The following ODAD2 variants were observed in gnomAD, a reference collection of about 807,000 sequenced individuals.
The protein encoded by ODAD2 is outer dynein arm docking complex subunit 2.
In ODAD2, 89 loss-of-function variants were observed where a neutral mutation model predicts 106.8. That is an observed-to-expected ratio of 0.83 (90% CI 0.70 to 0.99). The LOEUF is 0.99. Among genes scored for constraint, ODAD2 ranks in the 50% least tolerant of loss-of-function variants. The pLI is 0.00. For synonymous variants in ODAD2, 404 were observed against 436.2 expected, an observed-to-expected ratio of 0.93 and a Z score of 0.92; for missense variants, 1,168 against 1,238.5, an observed-to-expected ratio of 0.94 and a Z score of 0.85.
At chr10:27,861,612 C>T (rs1012727145) in intron 18 of ODAD2, among the ~76,000 whole-genome samples, 1 of 152,222 alleles carries the variant, frequency 6.6e-6, no homozygotes, top group Non-Finnish European at 1.5e-5. Flanking sequence ...GTTGCCTTGG[C>T]TCCTGAGAGG....
At chr10:27,858,502 G>T (rs1023042686) in intron 19 of ODAD2, among the ~76,000 whole-genome samples, 2 of 152,072 alleles carry the variant, frequency 1.3e-5, no homozygotes, top group African/African-American at 4.8e-5. Flanking sequence ...GAAACCCAAG[G>T]ATAATCTGGG....
In ODAD2 at chr10:27,940,627, A is replaced by G. The variant is rs748101941; in HGVS notation, c.1922T>C (p.Leu641Pro). 5.1e-5 allele frequency: 82 copies of G among 1,614,044 alleles called. No individual in the cohort carries two copies. Among genetic ancestry groups the G allele is most frequent in the Non-Finnish European group, 6.0e-5 (71 of 1,180,008 alleles). ...AGGIPLLARL[L>P]KTSHENMLIP... ...TAGCATGTTTTCATGAGAAGTCTTC[A>G]GCAGCCGAGCCAACAGAGGAATGCC... Residue 641 changes from leucine to proline, a missense_variant, in exon 13 of 20, where the codon CTG (leucine) becomes CCG (proline). Physicochemically the swap from Leu to Pro is moderately conservative, Grantham distance 98. This residue lies in a region of ODAD2 where 701 missense variants were observed against 712.3 expected (regional missense o/e 0.98). Transcript: ENST00000305242.
chr10:27,958,944 T>C lies in ODAD2; in HGVS notation c.1386+2624A>G, dbSNP rs2132811665. On this transcript the variant is annotated intron_variant, in intron 10 of 19. Coordinates refer to ENST00000305242, the MANE Select transcript of ODAD2 (RefSeq NM_018076.5). ...ATTCTGCTTCCTGATCCATCTTTTG[T>C]TTCTGCCATTTTGACTTGTTTCCTT... The C allele has an allele frequency of 3.1e-6, 4 of 1,303,894 alleles. No individual in the cohort carries two copies. The South Asian group carries it at 4.9e-5, about 16-fold the overall frequency. 80.8% of individuals were successfully genotyped at this position (1,303,894 alleles called of 1,614,324 possible). A position where few individuals can be genotyped will look rare whatever the true frequency, so the allele number is the denominator to read the frequency against.
chr10:27,868,708 A>G (rs1398822388), intron 17 of ODAD2, among the ~76,000 whole-genome samples: 1 of 152,202 alleles, frequency 6.6e-6, no homozygotes, highest in Non-Finnish European at 1.5e-5. Context: ...GAGCATCAGG[A>G]TAAATAACTA....
At chr10:27,817,998 C>T (rs79650293) in intron 19 of ODAD2, among the ~76,000 whole-genome samples, 93 of 151,948 alleles carry the variant, frequency 6.1e-4, no homozygotes, top group African/African-American at 2.0e-3. Context: ...CTGACCTCCT[C>T]GTAGCCCACA....
At chr10:27,945,793 A>G (rs1028190702) in intron 10 of ODAD2, among the ~76,000 whole-genome samples, 5 of 152,124 alleles carry the variant, frequency 3.3e-5, no homozygotes, top group Non-Finnish European at 7.3e-5. Context: ...GCATATTACC[A>G]CTACTGCTAT....
intron 17 of ODAD2, among the ~76,000 whole-genome samples, chr10:27,906,438 T>A (rs1038732202): frequency 6.6e-6 from 1 of 152,238 alleles, no homozygotes; most frequent in Non-Finnish European, 1.5e-5. Context: ...TCTACCATTG[T>A]GGAAGACAGT....
Position 27,948,101 on chromosome 10 carries a change from T to G in ODAD2, c.1387-3139A>C, listed in dbSNP as rs150796485. Among the ~76,000 whole-genome samples the G allele has an allele frequency of 8.0e-4, 122 of 152,264 alleles. 2 individuals are homozygous for G. Among genetic ancestry groups the G allele is most frequent in the African/African-American group, 2.7e-3 (113 of 41,556 alleles). On this transcript the variant is annotated intron_variant, in intron 10 of 19. Transcript: ENST00000305242. Reference sequence around the variant, plus strand: ...GTCCCAAAGGTAAGAGTTTATAGCTTTTTGAAGTATCTCTAGGTTAATTTG... The same window carrying G: ...GTCCCAAAGGTAAGAGTTTATAGCTGTTTGAAGTATCTCTAGGTTAATTTG...
At chr10:27,864,335 A>G (rs995177055) in intron 17 of ODAD2, among the ~76,000 whole-genome samples, 5 of 148,304 alleles carry the variant, frequency 3.4e-5, no homozygotes, top group Non-Finnish European at 7.4e-5. Flanking sequence ...AGAAGACCTA[A>G]TTTGAATGAA....
chr10:27,981,564 C>A lies in ODAD2; in HGVS notation c.838G>T (p.Gly280Trp). The change falls in exon 7 of 20, where the codon GGG becomes TGG. Residue 280 changes from glycine (G) to tryptophan (W), a missense_variant. Gly to Trp is a radical substitution (Grantham distance 184). This residue lies in a region of ODAD2 where 430 missense variants were observed against 452.2 expected (regional missense o/e 0.95). Transcript: ENST00000305242. ...CCTTTTCTCTCATAATTAACGTCCC[C>A]TTCATCATCTGTTTTGCCCTTTGGG... ...FLNGGKTDDE[G>W]DVNYERKGSI... The A allele has an allele frequency of 6.5e-7, 1 of 1,544,146 alleles. No homozygotes were observed.
chr10:27,832,421 T>A (rs1287985224), intron 19 of ODAD2, among the ~76,000 whole-genome samples: 1 of 152,180 alleles, frequency 6.6e-6, no homozygotes, highest in Non-Finnish European at 1.5e-5. Context: ...TCCAGGAATA[T>A]GTCACATGCT....
chr10:27,928,352 C>T (rs1028721164), intron 16 of ODAD2, among the ~76,000 whole-genome samples: 7 of 152,080 alleles, frequency 4.6e-5, no homozygotes, highest in Non-Finnish European at 8.8e-5. Flanking sequence ...TTTAACCTAT[C>T]GATTTCTCTA....
chr10:27,847,160 T>C (rs572002813), intron 19 of ODAD2, among the ~76,000 whole-genome samples: 53 of 152,242 alleles, frequency 3.5e-4, no homozygotes, highest in African/African-American at 1.3e-3. Context: ...TGAACATTGA[T>C]GCAAAAATCC....
intron 17 of ODAD2, among the ~76,000 whole-genome samples, chr10:27,879,789 A>G (rs2133549417): frequency 6.6e-6 from 1 of 152,348 alleles, no homozygotes; most frequent in South Asian, 2.1e-4. Flanking sequence ...TGTAAAATAT[A>G]ACATTATATT....
chr10:27,936,228 T>A (rs966705793), intron 15 of ODAD2, among the ~76,000 whole-genome samples: 3 of 152,160 alleles, frequency 2.0e-5, no homozygotes, highest in Non-Finnish European at 4.4e-5. Flanking sequence ...TTAAAATAAA[T>A]CAAATGGTCA....
intron 17 of ODAD2, among the ~76,000 whole-genome samples, chr10:27,866,435 C>T (rs1840443698): frequency 6.6e-6 from 1 of 152,152 alleles, no homozygotes; most frequent in African/African-American, 2.4e-5. Context: ...AACAGGGGCT[C>T]TTAGAATTTC....
At chr10:27,974,689 G>GTTT (rs397699788) in intron 7 of ODAD2, among the ~76,000 whole-genome samples, 4 of 128,380 alleles carry the variant, frequency 3.1e-5, no homozygotes, top group South Asian at 2.5e-4. Context: ...GTCTGTTTTT[G>GTTT]TTTTTTTTTT....
chr10:27,865,922 T>C (rs1335980216), intron 17 of ODAD2, among the ~76,000 whole-genome samples: 1 of 152,228 alleles, frequency 6.6e-6, no homozygotes, highest in African/African-American at 2.4e-5. Context: ...TGGTTCTCAA[T>C]AGTAAATCTA....
intron 17 of ODAD2, among the ~76,000 whole-genome samples, chr10:27,874,643 G>A (rs1841180075): frequency 6.6e-6 from 1 of 152,066 alleles, no homozygotes; most frequent in Non-Finnish European, 1.5e-5. Context: ...TGAAATTCTG[G>A]GTTGAAAATT....
Sources: allele counts gnomAD v4.1 joint callset (sites outside exome capture counted in the v4.1 genomes callset), GRCh38; gene constraint gnomAD v4.1.1; regional missense constraint gnomAD v4.1.1; transcripts MANE v1.5; gene names NCBI Gene and HGNC (gene_info 2026-07-23, HGNC 2026-07-21).